The following WDR64 variants were observed in gnomAD, a reference collection of about 807,000 sequenced individuals.
WDR64 encodes WD repeat domain 64.
WDR64 carries 112 observed loss-of-function variants against 139.3 expected under a neutral mutation model. That is an observed-to-expected ratio of 0.80 (90% CI 0.69 to 0.94). The LOEUF is 0.94. Among genes scored for constraint, WDR64 ranks in the 40% least tolerant of loss-of-function variants. The probability of loss-of-function intolerance (pLI) is 0.00; values close to 1 mark genes in which losing one functional copy is unlikely to be tolerated. For synonymous variants in WDR64, 444 were observed against 437.7 expected, an observed-to-expected ratio of 1.01 and a Z score of -0.18; for missense variants, 1,206 against 1,293.1, an observed-to-expected ratio of 0.93 and a Z score of 1.03.
At chr1:241,757,649 GTTTT>G (rs35256499) in intron 15 of WDR64, among the ~76,000 whole-genome samples, 190 bp downstream of exon 15, 52 of 95,226 alleles carry the variant, frequency 5.5e-4, no homozygotes, top group African/African-American at 1.7e-3. Flanking sequence ...CAATGGATTT[GTTTT>G]TTTTTTTTTT....
chr1:241,781,885 T>C (rs1375754231), intron 22 of WDR64, among the ~76,000 whole-genome samples: 1 of 152,236 alleles, frequency 6.6e-6, no homozygotes, highest in Non-Finnish European at 1.5e-5. Flanking sequence ...CATGGAGTCA[T>C]GAAGCAAAAT....
At chr1:241,735,859 G>C (rs111546082) in intron 10 of WDR64, among the ~76,000 whole-genome samples, 48 of 97,450 alleles carry the variant, frequency 4.9e-4, no homozygotes, top group East Asian at 1.2e-3. Context: ...CTCTCTCTGT[G>C]TGTGTGTGTG....
intron 27 of WDR64, among the ~76,000 whole-genome samples, chr1:241,796,890 A>G (rs1420277740): frequency 1.3e-5 from 2 of 152,206 alleles, no homozygotes; most frequent in African/African-American, 4.8e-5. Flanking sequence ...GAAAAATCAA[A>G]TAAGATCAAT....
chr1:241,759,859 A>G (rs1489730109), intron 15 of WDR64, among the ~76,000 whole-genome samples: 1 of 152,194 alleles, frequency 6.6e-6, no homozygotes, highest in African/African-American at 2.4e-5. Flanking sequence ...ATCTCTATTT[A>G]TTAAACAATA....
intron 9 of WDR64, among the ~76,000 whole-genome samples, chr1:241,719,242 C>G (rs2148191426): frequency 1.3e-5 from 2 of 152,212 alleles, no homozygotes; most frequent in Admixed American, 1.3e-4. Context: ...AGCTGTGATT[C>G]ATCATCCCAA....
At position 241,782,636 on chromosome 1, in the gene WDR64, G is replaced by A. The variant is rs958539275; in HGVS notation, c.2596-636G>A. Among the ~76,000 whole-genome samples the A allele has an allele frequency of 3.3e-5, 5 of 152,176 alleles. No homozygotes were observed. In the East Asian group the frequency reaches 7.7e-4, roughly 23 times the overall value. ...GAGGCCCACGAGAGGCCCTAAACTT[G>A]AGGATAGCCACACCCTGAAGAAACA... is the stretch of plus-strand genomic sequence containing the variant. On this transcript the variant is annotated intron_variant, in intron 22 of 27. Transcript: ENST00000437684.
At chr1:241,722,648 A>C (rs1212867793) in intron 9 of WDR64, among the ~76,000 whole-genome samples, 2 of 152,196 alleles carry the variant, frequency 1.3e-5, no homozygotes, top group Non-Finnish European at 1.5e-5. Flanking sequence ...GTATCTAGAA[A>C]TATATCTAAT....
chr1:241,777,119 A>G (rs1658681799), intron 21 of WDR64, among the ~76,000 whole-genome samples: 1 of 152,122 alleles, frequency 6.6e-6, no homozygotes, highest in Non-Finnish European at 1.5e-5. Context: ...AAGAGAGACA[A>G]GGTCTGACTC....
chr1:241,794,527 G>A (rs1228427121), intron 25 of WDR64, among the ~76,000 whole-genome samples: 1 of 23,502 alleles, frequency 4.3e-5, no homozygotes, highest in Non-Finnish European at 8.1e-5. Context: ...TTTTTTTTTT[G>A]AGACAGAGTC....
intron 24 of WDR64, 127 bp downstream of exon 24, chr1:241,788,161 G>C (rs771894280): frequency 3.9e-6 from 3 of 760,712 alleles, no homozygotes; most frequent in Non-Finnish European, 5.8e-6. Context: ...TTGTAATCCA[G>C]TGGAAGGGAA....
intron 7 of WDR64, among the ~76,000 whole-genome samples, 163 bp downstream of exon 7, chr1:241,683,864 T>TACAC (rs11473073): frequency 0.07 from 10,239 of 145,476 alleles, 359 homozygotes; most frequent in Middle Eastern, 0.089. Flanking sequence ...TGTTCATGTA[T>TACAC]ACACACACAC....
intron 4 of WDR64, chr1:241,676,013 C>T (rs1376683187): frequency 6.6e-6 from 1 of 152,130 alleles, no homozygotes; most frequent in Non-Finnish European, 1.5e-5. Context: ...CAACTAGAAA[C>T]AAGCTTTATG....
chr1:241,660,804 A>G (rs1190730976), intron 2 of WDR64, 144 bp downstream of exon 2: 1 of 812,192 alleles, frequency 1.2e-6, no homozygotes, highest in Non-Finnish European at 1.9e-6. Context: ...CCATTAGGAC[A>G]TGGCCACTGC....
In WDR64 at chr1:241,703,227, C is replaced by A. The variant is rs1202706339; in HGVS notation, c.975-8575C>A. On this transcript the variant is annotated intron_variant, in intron 8 of 27. Transcript: ENST00000437684. This position sits in a 1 kb window ranked among gnomAD's most constrained non-coding sequence, Gnocchi z 5.9. ...TCAGTAGCCCTGCTTCTTTAGCAAT[C>A]ACACAGTTCCCCTGGGATGCTTCCC... Among the ~76,000 whole-genome samples, 3 of 152,178 alleles carry A rather than the reference C, an allele frequency of 2.0e-5. No homozygotes were observed. Among genetic ancestry groups the A allele is most frequent in the Non-Finnish European group, 4.4e-5 (3 of 68,016 alleles).
chr1:241,662,618 T>G (rs565646541), intron 2 of WDR64, among the ~76,000 whole-genome samples: 1 of 152,320 alleles, frequency 6.6e-6, no homozygotes, highest in East Asian at 1.9e-4. Context: ...TTTGTCATAT[T>G]CTCTTAGTTA....
intron 15 of WDR64, among the ~76,000 whole-genome samples, chr1:241,761,062 C>G (rs1657865031): frequency 6.6e-6 from 1 of 152,128 alleles, no homozygotes; most frequent in Non-Finnish European, 1.5e-5. Flanking sequence ...TTACACAGCT[C>G]TGCACTGCCA....
At chr1:241,681,887 CA>C (rs1425824826) in intron 6 of WDR64, among the ~76,000 whole-genome samples, 5 of 152,078 alleles carry the variant, frequency 3.3e-5, no homozygotes, top group African/African-American at 1.2e-4. Flanking sequence ...TGACGCTGAT[CA>C]TTTTTTTCCA....
At chr1:241,754,860 G>A (rs1670121980) in intron 14 of WDR64, among the ~76,000 whole-genome samples, 2 of 152,064 alleles carry the variant, frequency 1.3e-5, no homozygotes, top group Non-Finnish European at 2.9e-5. Flanking sequence ...GAGAATAATG[G>A]TTTCCAGCTT....
chr1:241,704,151 G>T (rs1667846080), intron 8 of WDR64, among the ~76,000 whole-genome samples: 1 of 152,146 alleles, frequency 6.6e-6, no homozygotes, highest in African/African-American at 2.4e-5. Context: ...GCTATGGGTG[G>T]TGTTTACAGG....
Sources: allele counts gnomAD v4.1 joint callset (sites outside exome capture counted in the v4.1 genomes callset), GRCh38; gene constraint gnomAD v4.1.1; non-coding constraint Gnocchi (gnomAD v3.1); transcripts MANE v1.5; gene names NCBI Gene and HGNC (gene_info 2026-07-23, HGNC 2026-07-21).